The following CUX1 variants were observed in gnomAD, a reference collection of about 807,000 sequenced individuals.
The protein encoded by CUX1 is protein CASP.
Under a neutral mutation model 158.8 loss-of-function variants are expected in CUX1, and 31 were observed. The ratio of observed to expected loss-of-function variants is 0.20; its 90% CI spans 0.15 to 0.26. The LOEUF (loss-of-function observed/expected upper bound fraction) is 0.26, where lower values mean the gene tolerates loss of function less well. CUX1 is among the 10% of genes least tolerant of loss of function. The pLI, the probability that CUX1 is intolerant of heterozygous loss-of-function variation, is 1.00. For missense variants in CUX1, 1,589 were observed against 2,014.6 expected (o/e 0.79, Z 4.04); for synonymous variants, 879 against 862.1 (o/e 1.02, Z -0.34).
chr7:101,978,009 G>C (rs1423407271), intron 2 of CUX1, among the ~76,000 whole-genome samples: 2 of 151,392 alleles, frequency 1.3e-5, no homozygotes, highest in East Asian at 3.9e-4. Flanking sequence ...GGCTCTCCTG[G>C]TTCGGCCCAC....
At chr7:101,892,177 G>A (rs1562970600) in intron 1 of CUX1, among the ~76,000 whole-genome samples, 1 of 152,200 alleles carries the variant, frequency 6.6e-6, no homozygotes, top group African/African-American at 2.4e-5. Flanking sequence ...TTGGACTTAA[G>A]AAAACTTAAT....
At chr7:101,819,935 C>A (rs1728921920) in intron 1 of CUX1, among the ~76,000 whole-genome samples, 1 of 152,178 alleles carries the variant, frequency 6.6e-6, no homozygotes, top group South Asian at 2.1e-4. Context: ...AGGAATGATT[C>A]TCTCCTAAAT....
At chr7:101,873,877 G>A (rs1024594262) in intron 1 of CUX1, among the ~76,000 whole-genome samples, 8 of 152,192 alleles carry the variant, frequency 5.3e-5, no homozygotes, top group Admixed American at 1.3e-4. Context: ...GAGCTACCGC[G>A]TCCTGCCAGG....
At chr7:101,854,503 G>A (rs1253711532) in intron 1 of CUX1, among the ~76,000 whole-genome samples, 2 of 152,080 alleles carry the variant, frequency 1.3e-5, no homozygotes, top group Non-Finnish European at 2.9e-5. Flanking sequence ...TCTCTGGGTG[G>A]CGAGAACTTC....
chr7:102,151,904 T>G (rs1835731183), intron 8 of CUX1, among the ~76,000 whole-genome samples: 1 of 151,814 alleles, frequency 6.6e-6, no homozygotes, highest in African/African-American at 2.4e-5. Flanking sequence ...AAAGAATACC[T>G]CCTTAGAAAA....
intron 2 of CUX1, among the ~76,000 whole-genome samples, chr7:101,920,227 T>C (rs762348714): frequency 6.6e-6 from 1 of 152,016 alleles, no homozygotes; most frequent in Non-Finnish European, 1.5e-5. Context: ...GTTCAAGCAG[T>C]TCTTCTGCCT....
At chr7:101,931,851 AT>A (rs1161885712) in intron 2 of CUX1, among the ~76,000 whole-genome samples, 1 of 152,278 alleles carries the variant, frequency 6.6e-6, no homozygotes, top group Non-Finnish European at 1.5e-5. Flanking sequence ...CCCCTCAGGA[AT>A]TCTTATTTTT....
intron 4 of CUX1, among the ~76,000 whole-genome samples, chr7:102,079,173 C>T (rs1199767399): frequency 2.0e-5 from 3 of 152,216 alleles, no homozygotes; most frequent in African/African-American, 7.2e-5. Context: ...CGTGGTGACT[C>T]ACGCCTATAA....
intron 2 of CUX1, among the ~76,000 whole-genome samples, chr7:101,964,976 C>CGAGT (rs1810979527): frequency 6.6e-6 from 1 of 152,150 alleles, no homozygotes; most frequent in Non-Finnish European, 1.5e-5. Flanking sequence ...TGTGTGTGAG[C>CGAGT]GAGTGAATGA....
intron 2 of CUX1, among the ~76,000 whole-genome samples, chr7:101,954,094 G>A (rs1048077473): frequency 5.3e-5 from 8 of 152,208 alleles, no homozygotes; most frequent in African/African-American, 1.9e-4. Flanking sequence ...AGGAGGCTGA[G>A]ACGGGAGGAT....
chr7:101,972,230 T>G (rs1489501069), intron 2 of CUX1, among the ~76,000 whole-genome samples: 1 of 152,192 alleles, frequency 6.6e-6, no homozygotes. Context: ...CCTCCCAAAG[T>G]GCTGGGATTA....
chr7:102,052,546 A>G (rs1226673205), intron 3 of CUX1, among the ~76,000 whole-genome samples: 1 of 152,092 alleles, frequency 6.6e-6, no homozygotes, highest in Non-Finnish European at 1.5e-5. Context: ...GCTGATGGCC[A>G]TTTGGAGTTT....
At chr7:101,965,763 GGC>G (rs1297631062) in intron 2 of CUX1, among the ~76,000 whole-genome samples, 2 of 148,592 alleles carry the variant, frequency 1.3e-5, no homozygotes, top group Non-Finnish European at 3.0e-5. Flanking sequence ...GCAGGAGAAT[GGC>G]GTGAACCCGG....
chr7:101,902,990 A>G (rs1437712336), intron 1 of CUX1, among the ~76,000 whole-genome samples: 1 of 152,202 alleles, frequency 6.6e-6, no homozygotes, highest in African/African-American at 2.4e-5. Flanking sequence ...TGCTAAGTAT[A>G]AAAAGAATAA....
chr7:102,119,791 C>G (rs1228991195), intron 8 of CUX1, among the ~76,000 whole-genome samples: 2 of 152,140 alleles, frequency 1.3e-5, no homozygotes, highest in Non-Finnish European at 2.9e-5. Context: ...AGGTGATCCT[C>G]CCGTCTTAGC....
chr7:101,833,562 T>TAAAAAA (rs534986714), intron 1 of CUX1, among the ~76,000 whole-genome samples: 2 of 75,810 alleles, frequency 2.6e-5, no homozygotes, highest in African/African-American at 1.1e-4. Flanking sequence ...CTCTGTCTCT[T>TAAAAAA]AAAAAAAAAA....
At chr7:102,214,835 C>G (rs797043283) in intron 20 of CUX1, among the ~76,000 whole-genome samples, 4 of 152,382 alleles carry the variant, frequency 2.6e-5, no homozygotes, top group African/African-American at 7.2e-5. Flanking sequence ...TACTTCTTCC[C>G]TTTGGAACCG....
At position 102,250,751 on chromosome 7, in the gene CUX1, T is replaced by A; in HGVS notation, c.*1709T>A. The A allele has an allele frequency of 1.0e-6, 1 of 985,464 alleles. No homozygotes were observed. The allele number at this position is 985,464 out of a possible 1,614,324, so 61.0% of individuals were successfully genotyped here. A position where few individuals can be genotyped will look rare whatever the true frequency, so the allele number is the denominator to read the frequency against. ...CTGATTCCTCCCTTGTCTATGTGTA[T>A]ATGCGTGAGAATAGAGGCGGGTGAG... On this transcript the variant is annotated 3_prime_UTR_variant, in exon 24 of 24. Coordinates refer to ENST00000292535, the MANE Select transcript of CUX1 (RefSeq NM_181552.4).
At chr7:101,853,584 G>GGTGTGTGTGTGTGTGTGTGTGTGTGT (rs59324904) in intron 1 of CUX1, among the ~76,000 whole-genome samples, 37 of 140,868 alleles carry the variant, frequency 2.6e-4, no homozygotes, top group African/African-American at 9.5e-4. Flanking sequence ...CAATAGAAAG[G>GGTGTGTGTGTGTGTGTGTGTGTGTGT]GTGTGTGTGT....
Sources: allele counts gnomAD v4.1 joint callset (sites outside exome capture counted in the v4.1 genomes callset), GRCh38; gene constraint gnomAD v4.1.1; transcripts MANE v1.5; gene names NCBI Gene and HGNC (gene_info 2026-07-23, HGNC 2026-07-21).